Variants in ABCC12 observed in about 807,000 individuals in gnomAD.
ABCC12 encodes ATP binding cassette subfamily C member 12.
In ABCC12, 142 loss-of-function variants were observed where a neutral mutation model predicts 151.1. The ratio of observed to expected loss-of-function variants is 0.94; its 90% CI spans 0.82 to 1.08. The LOEUF is 1.08. Among genes scored for constraint, ABCC12 ranks in the 50% least tolerant of loss-of-function variants. The pLI is 0.00. For synonymous variants in ABCC12, 645 were observed against 646.4 expected (o/e 1.00, Z 0.03); for missense variants, 1,638 against 1,691.1 (o/e 0.97, Z 0.55).
At chr16:48,120,863 T>A (rs538359630) in intron 13 of ABCC12, among the ~76,000 whole-genome samples, 1 of 152,242 alleles carries the variant, frequency 6.6e-6, no homozygotes, top group Non-Finnish European at 1.5e-5. Context: ...TAATGGGTTA[T>A]TAAATGTTCT....
At chr16:48,143,208 C>T (rs1964879325) in intron 4 of ABCC12, among the ~76,000 whole-genome samples, 1 of 152,162 alleles carries the variant, frequency 6.6e-6, no homozygotes, top group African/African-American at 2.4e-5. Context: ...CTGACCAGCA[C>T]AGGGCAAAGT....
At chr16:48,104,400 C>A in intron 21 of ABCC12, 32 bp from the exon 22 acceptor site, 1 of 1,595,444 alleles carries the variant, frequency 6.3e-7, no homozygotes, top group South Asian at 1.1e-5. Context: ...CAAACAGAGT[C>A]GAGATGCGTG....
intron 23 of ABCC12, 116 bp from the exon 24 acceptor site, chr16:48,097,018 A>C (rs1963124033): frequency 8.0e-7 from 1 of 1,242,512 alleles, no homozygotes; most frequent in African/African-American, 1.5e-5. Context: ...GAGGCCAAGG[A>C]ATTTTTAATC....
At chr16:48,131,056 T>C (rs569875925) in intron 9 of ABCC12, among the ~76,000 whole-genome samples, 161 bp from the exon 10 acceptor site, 14 of 152,348 alleles carry the variant, frequency 9.2e-5, no homozygotes, top group African/African-American at 2.6e-4. Context: ...AAACCATCGG[T>C]TGGCCAGCTG....
At chr16:48,133,314 G>A (rs1964493240) in intron 9 of ABCC12, among the ~76,000 whole-genome samples, 2 of 152,070 alleles carry the variant, frequency 1.3e-5, no homozygotes. Context: ...CTGAGGTCGG[G>A]AGTTCAAGAC....
In ABCC12 at chr16:48,096,738, G is replaced by T. The variant is rs1567445400; in HGVS notation, c.3195+8C>A. 1 of 1,613,858 alleles carries T rather than the reference G, an allele frequency of 6.2e-7. No homozygotes were observed. Among genetic ancestry groups the T allele is most frequent in the Non-Finnish European group, 8.5e-7 (1 of 1,179,830 alleles). On this transcript the variant is annotated splice_region_variant and intron_variant, in intron 24 of 30. Coordinates refer to ENST00000311303, the MANE Select transcript of ABCC12 (RefSeq NM_001393797.1). ...CCAGACTAAGCCCAACTTTGCACCA[G>T]GCATTACCTGGATGATGTATGACAA... is the stretch of plus-strand genomic sequence containing the variant.
chr16:48,084,097 G>A (rs1962477351), intron 29 of ABCC12, 24 bp from the exon 30 acceptor site: 2 of 1,583,374 alleles, frequency 1.3e-6, no homozygotes, highest in East Asian at 2.3e-5. Context: ...AACATTATAA[G>A]CCAAAGGCGC....
intron 13 of ABCC12, among the ~76,000 whole-genome samples, chr16:48,120,786 C>T (rs903619641): frequency 6.6e-6 from 1 of 152,092 alleles, no homozygotes; most frequent in Non-Finnish European, 1.5e-5. Flanking sequence ...AAACCCCTGA[C>T]CTCATGATCC....
intron 28 of ABCC12, 85 bp downstream of exon 28, chr16:48,086,656 T>C: frequency 8.3e-7 from 1 of 1,204,816 alleles, no homozygotes; most frequent in East Asian, 2.3e-5. Context: ...CTGGCCTAGG[T>C]GCTTGTCAAA....
At position 48,130,896 on chromosome 16, in the gene ABCC12, C is replaced by T. The variant is rs781073247; in HGVS notation, c.1129-1G>A. 8.7e-6 allele frequency: 14 copies of T among 1,603,634 alleles called. No homozygotes were observed. In the East Asian group the frequency reaches 2.5e-4, roughly 28 times the overall value. ...TAAACATGGCAATCACACTAAATGC[C>T]TGAAGAACAAAAGAGAAGTATGAGG... On this transcript the variant is annotated splice_acceptor_variant, in intron 9 of 30. Coordinates refer to ENST00000311303, the MANE Select transcript of ABCC12 (RefSeq NM_001393797.1). LOFTEE classifies it high-confidence loss of function.
intron 2 of ABCC12, among the ~76,000 whole-genome samples, chr16:48,152,968 G>C (rs1567460553): frequency 6.6e-6 from 1 of 152,154 alleles, no homozygotes; most frequent in Non-Finnish European, 1.5e-5. Context: ...TTGCTATAAA[G>C]AACATTATTG....
Position 48,082,308 on chromosome 16 carries a change from G to C in ABCC12, c.*1407C>G, listed in dbSNP as rs868738199. ...TAAGGCCAGGTGTGCTCACCTCCCC[G>C]CTGGTTGGGTAGACCCCTGCCCAGG... is the stretch of plus-strand genomic sequence containing the variant. On this transcript the variant is annotated 3_prime_UTR_variant, in exon 31 of 31. Coordinates refer to ENST00000311303, the MANE Select transcript of ABCC12 (RefSeq NM_001393797.1). 3.9e-5 allele frequency among the ~76,000 whole-genome samples: 6 copies of C among 152,304 alleles called. No individual in the cohort carries two copies. Among genetic ancestry groups the C allele is most frequent in the Admixed American group, 1.3e-4 (2 of 15,306 alleles).
intron 29 of ABCC12, among the ~76,000 whole-genome samples, chr16:48,085,305 T>C (rs1027258937): frequency 6.6e-6 from 1 of 151,966 alleles, no homozygotes; most frequent in Non-Finnish European, 1.5e-5. Flanking sequence ...TGGGAGAAAG[T>C]TGGGAGACAG....
chr16:48,135,595 A>G (rs1003114489), intron 8 of ABCC12, among the ~76,000 whole-genome samples: 2 of 152,124 alleles, frequency 1.3e-5, no homozygotes, highest in African/African-American at 2.4e-5. Flanking sequence ...TATGTTGCCC[A>G]GGCTAGTCTC....
intron 2 of ABCC12, among the ~76,000 whole-genome samples, chr16:48,147,567 C>A (rs926273450): frequency 6.6e-6 from 1 of 152,080 alleles, no homozygotes; most frequent in African/African-American, 2.4e-5. Context: ...TCCTCAGATG[C>A]AATCTTTTAC....
intron 2 of ABCC12, among the ~76,000 whole-genome samples, chr16:48,149,337 A>G (rs1965087478): frequency 6.6e-6 from 1 of 151,974 alleles, no homozygotes; most frequent in Non-Finnish European, 1.5e-5. Context: ...GCAAGCCAAT[A>G]GACTTAAACA....
At chr16:48,129,664 G>A (rs1964357914) in intron 10 of ABCC12, among the ~76,000 whole-genome samples, 1 of 152,122 alleles carries the variant, frequency 6.6e-6, no homozygotes, top group South Asian at 2.1e-4. Flanking sequence ...CTCTCTTGGG[G>A]TTGAGTGCTA....
chr16:48,088,817 G>A, intron 25 of ABCC12, 83 bp from the exon 26 acceptor site: 1 of 1,228,154 alleles, frequency 8.1e-7, no homozygotes, highest in Non-Finnish European at 1.1e-6. Context: ...GATTCACACA[G>A]TTTCAGGTAC....
intron 10 of ABCC12, among the ~76,000 whole-genome samples, chr16:48,129,761 T>C (rs533831652): frequency 2.0e-5 from 3 of 152,326 alleles, no homozygotes; most frequent in Admixed American, 2.0e-4. Context: ...AAGCCTCAAC[T>C]GAAGGCAATG....
Sources: allele counts gnomAD v4.1 joint callset (sites outside exome capture counted in the v4.1 genomes callset), GRCh38; gene constraint gnomAD v4.1.1; transcripts MANE v1.5; gene names NCBI Gene and HGNC (gene_info 2026-07-23, HGNC 2026-07-21).